INSYN2B: variants seen among roughly 807,000 people sequenced by gnomAD.
INSYN2B encodes the protein inhibitory synaptic factor family member 2B, also known as protein INSYN2B.
Under a neutral mutation model 41.2 loss-of-function variants are expected in INSYN2B, and 16 were observed. The observed-to-expected ratio is 0.39, with a 90% CI of 0.26 to 0.59. The LOEUF (loss-of-function observed/expected upper bound fraction) is 0.59. Among genes scored for constraint, INSYN2B ranks in the 20% least tolerant of loss-of-function variants. The pLI is 0.57. For synonymous variants in INSYN2B, 245 were observed against 244.4 expected (o/e 1.00, Z -0.02); for missense variants, 608 against 646.4 (o/e 0.94, Z 0.64).
chr5:169,906,370 C>T (rs1206282451), intron 1 of INSYN2B, among the ~76,000 whole-genome samples: 4 of 152,306 alleles, frequency 2.6e-5, no homozygotes, highest in East Asian at 1.9e-4. Flanking sequence ...AGCCAGCAAA[C>T]GGGCGTTCAT....
intron 1 of INSYN2B, among the ~76,000 whole-genome samples, chr5:169,927,672 A>G (rs912592125): frequency 6.6e-6 from 1 of 152,246 alleles, no homozygotes; most frequent in African/African-American, 2.4e-5. Flanking sequence ...GCTGGAGTGC[A>G]GTGGCACAAT....
intron 1 of INSYN2B, among the ~76,000 whole-genome samples, chr5:169,901,541 T>C (rs1466973078): frequency 2.0e-5 from 3 of 152,050 alleles, no homozygotes; most frequent in African/African-American, 7.3e-5. Context: ...GGGGCAAAAG[T>C]GGAAGCAGGA....
At chr5:169,872,981 T>A (rs1405914544) in intron 3 of INSYN2B, among the ~76,000 whole-genome samples, 1 of 152,190 alleles carries the variant, frequency 6.6e-6, no homozygotes, top group East Asian at 1.9e-4. Context: ...GTAATGATTA[T>A]TACACTAACT....
chr5:169,867,880 T>C (rs902766914), intron 3 of INSYN2B, among the ~76,000 whole-genome samples: 3 of 152,156 alleles, frequency 2.0e-5, no homozygotes, highest in Non-Finnish European at 2.9e-5. Flanking sequence ...AACCCCTGCA[T>C]TGCAGCAAGG....
intron 1 of INSYN2B, among the ~76,000 whole-genome samples, chr5:169,923,598 C>T (rs919248573): frequency 1.3e-5 from 2 of 152,142 alleles, no homozygotes; most frequent in Non-Finnish European, 1.5e-5. Context: ...ACCTTGGGCA[C>T]GTCTCTATCC....
intron 1 of INSYN2B, among the ~76,000 whole-genome samples, chr5:169,898,529 AACAAC>A (rs2113568372): frequency 1.5e-5 from 1 of 65,306 alleles, no homozygotes; most frequent in East Asian, 2.8e-4. Context: ...ACACACACAA[AACAAC>A]AACAACAACA....
At chr5:169,920,037 T>G (rs1277665326) in intron 1 of INSYN2B, among the ~76,000 whole-genome samples, 1 of 152,234 alleles carries the variant, frequency 6.6e-6, no homozygotes, top group Non-Finnish European at 1.5e-5. Context: ...ACGTGAATTA[T>G]GTCATTTAAT....
intron 3 of INSYN2B, among the ~76,000 whole-genome samples, chr5:169,873,380 G>GT (rs1160517620): frequency 6.6e-6 from 1 of 152,178 alleles, no homozygotes; most frequent in African/African-American, 2.4e-5. Flanking sequence ...GCTATTGGTT[G>GT]TTTTGGAGAT....
intron 3 of INSYN2B, among the ~76,000 whole-genome samples, chr5:169,871,992 C>T (rs1032915195): frequency 6.6e-6 from 1 of 152,232 alleles, no homozygotes; most frequent in African/African-American, 2.4e-5. Flanking sequence ...CCATTTTGCA[C>T]TTCCTTCTCA....
intron 1 of INSYN2B, among the ~76,000 whole-genome samples, chr5:169,964,846 G>C (rs1428516783): frequency 6.6e-6 from 1 of 152,204 alleles, no homozygotes; most frequent in East Asian, 1.9e-4. Flanking sequence ...ATTCAAAGGG[G>C]GAACTGCATG....
chr5:169,968,977 T>C (rs915212700), intron 1 of INSYN2B, among the ~76,000 whole-genome samples: 10 of 152,136 alleles, frequency 6.6e-5, no homozygotes, highest in Non-Finnish European at 1.2e-4. Context: ...GGTGATACCA[T>C]GCCTCTACAA....
intron 3 of INSYN2B, among the ~76,000 whole-genome samples, chr5:169,880,257 G>A (rs261075): frequency 6.6e-6 from 1 of 152,198 alleles, no homozygotes; most frequent in Non-Finnish European, 1.5e-5. Flanking sequence ...TCTTTGTAAG[G>A]AGCTGATGGG....
intron 1 of INSYN2B, among the ~76,000 whole-genome samples, chr5:169,926,906 G>T (rs1007134939): frequency 2.6e-5 from 4 of 152,222 alleles, no homozygotes; most frequent in African/African-American, 9.6e-5. Flanking sequence ...TGTAAATTAT[G>T]ATACAAAACA....
chr5:169,956,114 T>C (rs1324296390), intron 1 of INSYN2B, among the ~76,000 whole-genome samples: 1 of 152,108 alleles, frequency 6.6e-6, no homozygotes, highest in African/African-American at 2.4e-5. Flanking sequence ...AAATTTGCTG[T>C]GTCCTTGATT....
chr5:169,881,279 G>C, intron 3 of INSYN2B, 89 bp downstream of exon 3: 1 of 1,101,028 alleles, frequency 9.1e-7, no homozygotes, highest in Admixed American at 2.2e-5. Context: ...TGCCTCTCTT[G>C]ACTTTTTGCA....
rs1366199210 is a variant in INSYN2B at position 169,883,000 on chromosome 5, G to A, written c.899C>T (p.Thr300Met). The change falls in exon 2 of 4, where the codon ACG becomes ATG. Residue 300 changes from threonine to methionine, a missense_variant. Coordinates refer to ENST00000377365, the MANE Select transcript of INSYN2B (RefSeq NM_001129891.3). ...LGSLSSQSKETCVPSSPRTHS... is the reference protein window; with the variant it reads ...LGSLSSQSKEMCVPSSPRTHS... ...AGTCCGTGGAGATGAAGGAACACAC[G>A]TTTCCTTTGACTGAGATGACAGTGA... is the stretch of plus-strand genomic sequence containing the variant. 3.2e-6 allele frequency: 5 copies of A among 1,551,644 alleles called. No individual in the cohort carries two copies. The highest frequency in any genetic ancestry group is 2.7e-5 in the African/African-American group (2 of 73,124).
rs574779714 is a variant in INSYN2B, at chr5:169,864,250, G to T, written c.*23C>A. On this transcript the variant is annotated 3_prime_UTR_variant, in exon 4 of 4. Coordinates refer to ENST00000377365, the MANE Select transcript of INSYN2B (RefSeq NM_001129891.3). ...TCAGGGAAGTGCGTGGAGTTGGGGG[G>T]CTGGGGGATGGTCCCAACCAGCTCA... 5 of 1,547,520 alleles carry T rather than the reference G, an allele frequency of 3.2e-6. No homozygotes were observed. Among genetic ancestry groups the T allele is most frequent in the African/African-American group, 2.7e-5 (2 of 73,098 alleles).
intron 1 of INSYN2B, among the ~76,000 whole-genome samples, chr5:169,944,557 C>A (rs1453502206): frequency 6.6e-6 from 1 of 152,212 alleles, no homozygotes; most frequent in Non-Finnish European, 1.5e-5. Flanking sequence ...TCAGTGGAAT[C>A]CCAGCCATCC....
chr5:169,867,261 C>T (rs1264138681), intron 3 of INSYN2B, among the ~76,000 whole-genome samples: 2 of 152,180 alleles, frequency 1.3e-5, no homozygotes, highest in Non-Finnish European at 2.9e-5. Context: ...CGGCCTTAGG[C>T]AGGTGACAGG....
Sources: gnomAD v4.1 joint callset for allele counts (sites outside exome capture counted in the v4.1 genomes callset) on GRCh38, gnomAD v4.1.1 for gene constraint, MANE v1.5 for transcripts, NCBI Gene and HGNC (gene_info 2026-07-23, HGNC 2026-07-21) for gene names.